The following DPYD variants were observed in gnomAD, a reference collection of about 807,000 sequenced individuals.
DPYD encodes the protein dihydropyrimidine dehydrogenase [NADP(+)].
Under a neutral mutation model 116.2 loss-of-function variants are expected in DPYD, and 109 were observed. The ratio of observed to expected loss-of-function variants is 0.94; its 90% CI spans 0.80 to 1.10. DPYD has a LOEUF of 1.10. Among genes scored for constraint, DPYD ranks in the 50% least tolerant of loss-of-function variants. The pLI is 0.00. For missense variants in DPYD, 1,302 were observed against 1,254.5 expected, an observed-to-expected ratio of 1.04 and a Z score of -0.57; for synonymous variants, 440 against 432.0, an observed-to-expected ratio of 1.02 and a Z score of -0.23.
rs150332672 is a variant in DPYD at position 97,480,588 on chromosome 1, C to G, written c.1741-30365G>C. 5.4e-3 allele frequency among the ~76,000 whole-genome samples: 824 copies of G among 152,274 alleles called. 3 individuals carry two copies. The highest frequency in any genetic ancestry group is 9.5e-3 in the Non-Finnish European group (649 of 68,022). The stretch of plus-strand genomic sequence containing the variant: ...GGAAGAAGAATGTGAAAAGACGAGG[C>G]AGGGAATTGCTGAATTTCATCAAAA... On this transcript the variant is annotated intron_variant, in intron 13 of 22. Transcript: ENST00000370192.
chr1:97,877,861 C>T (rs1431970089), intron 2 of DPYD, among the ~76,000 whole-genome samples: 1 of 151,882 alleles, frequency 6.6e-6, no homozygotes, highest in Non-Finnish European at 1.5e-5. Context: ...TCCATGAAAG[C>T]GTGAATGAGA....
At chr1:97,740,910 C>A (rs746753541) in intron 3 of DPYD, among the ~76,000 whole-genome samples, 3 of 152,088 alleles carry the variant, frequency 2.0e-5, no homozygotes, top group Non-Finnish European at 4.4e-5. Context: ...CTTGAAATAT[C>A]CTTTCTTCCA....
chr1:97,338,817 G>T (rs1394377530), intron 16 of DPYD, among the ~76,000 whole-genome samples: 1 of 152,058 alleles, frequency 6.6e-6, no homozygotes, highest in Non-Finnish European at 1.5e-5. Context: ...GCCTGTTCTT[G>T]TGTGGCAAAA....
intron 18 of DPYD, among the ~76,000 whole-genome samples, chr1:97,279,653 G>C (rs1438235899): frequency 2.0e-5 from 3 of 152,188 alleles, no homozygotes; most frequent in African/African-American, 4.8e-5. Context: ...GGGACAACAG[G>C]TGTGCATGAC....
chr1:97,170,664 T>TAAATA (rs1656658180), intron 20 of DPYD, among the ~76,000 whole-genome samples: 3 of 151,894 alleles, frequency 2.0e-5, no homozygotes, highest in Non-Finnish European at 4.4e-5. Context: ...CTTAAATACT[T>TAAATA]TCTTCTTTCC....
chr1:97,263,666 G>GTATA (rs1418730309), intron 18 of DPYD, among the ~76,000 whole-genome samples: 2 of 152,042 alleles, frequency 1.3e-5, no homozygotes, highest in African/African-American at 4.8e-5. Context: ...TGGTGATTAA[G>GTATA]TATAATACAT....
chr1:97,486,634 G>A (rs1305263501), intron 13 of DPYD, among the ~76,000 whole-genome samples: 1 of 151,900 alleles, frequency 6.6e-6, no homozygotes, highest in Non-Finnish European at 1.5e-5. Flanking sequence ...ATAATGGGAA[G>A]GTATATCACT....
At chr1:97,194,058 A>T (rs1376923372) in intron 19 of DPYD, among the ~76,000 whole-genome samples, 1 of 152,232 alleles carries the variant, frequency 6.6e-6, no homozygotes, top group African/African-American at 2.4e-5. Flanking sequence ...GAAGGGAAGA[A>T]CTGCATTTAT....
At chr1:97,387,194 T>C (rs1672396141) in intron 14 of DPYD, among the ~76,000 whole-genome samples, 2 of 152,116 alleles carry the variant, frequency 1.3e-5, no homozygotes, top group Non-Finnish European at 2.9e-5. Context: ...GTATTTGAAC[T>C]TTGTCTTCCC....
chr1:97,828,435 C>T (rs1002775724), intron 2 of DPYD, among the ~76,000 whole-genome samples: 13 of 151,882 alleles, frequency 8.6e-5, no homozygotes, highest in Admixed American at 1.3e-4. Context: ...AGTGGAGTTT[C>T]GTTATCAATT....
At chr1:97,611,157 C>T (rs1655920933) in intron 8 of DPYD, among the ~76,000 whole-genome samples, 1 of 152,010 alleles carries the variant, frequency 6.6e-6, no homozygotes, top group Non-Finnish European at 1.5e-5. Flanking sequence ...CACAATCATG[C>T]CAGAAGGCAA....
At chr1:97,285,645 G>C (rs1665624458) in intron 18 of DPYD, among the ~76,000 whole-genome samples, 1 of 151,038 alleles carries the variant, frequency 6.6e-6, no homozygotes, top group Non-Finnish European at 1.5e-5. Flanking sequence ...TGGCCATTCT[G>C]ACAATTGGCT....
At chr1:97,673,865 C>T (rs1660003119) in intron 8 of DPYD, among the ~76,000 whole-genome samples, 1 of 152,116 alleles carries the variant, frequency 6.6e-6, no homozygotes, top group Non-Finnish European at 1.5e-5. Context: ...ACAAAGATAG[C>T]TCTAGGTCCA....
intron 19 of DPYD, among the ~76,000 whole-genome samples, chr1:97,225,015 A>G (rs369707923): frequency 1.5e-3 from 157 of 104,504 alleles, no homozygotes; most frequent in Middle Eastern, 9.6e-3. Flanking sequence ...CTATCTATCT[A>G]TCTATCTATC....
chr1:97,609,932 C>T (rs1024320164), intron 8 of DPYD, among the ~76,000 whole-genome samples: 9 of 152,022 alleles, frequency 5.9e-5, no homozygotes, highest in Middle Eastern at 6.8e-3. Flanking sequence ...ACTTAAATGG[C>T]GTCTTGTAAA....
chr1:97,833,894 G>T (rs951537000), intron 2 of DPYD, among the ~76,000 whole-genome samples: 1 of 152,046 alleles, frequency 6.6e-6, no homozygotes, highest in East Asian at 1.9e-4. Flanking sequence ...TCCTATGAGA[G>T]TATAATGAAA....
chr1:97,299,603 T>C (rs994151247), intron 18 of DPYD, among the ~76,000 whole-genome samples: 1 of 152,126 alleles, frequency 6.6e-6, no homozygotes, highest in Non-Finnish European at 1.5e-5. Context: ...CTCCAGTCTG[T>C]CCATGAGCTG....
At chr1:97,891,690 A>G (rs1229239242) in intron 1 of DPYD, among the ~76,000 whole-genome samples, 1 of 151,878 alleles carries the variant, frequency 6.6e-6, no homozygotes, top group Non-Finnish European at 1.5e-5. Context: ...GTCACAAACA[A>G]AATCACTAAA....
At chr1:97,259,101 A>T (rs1049124096) in intron 18 of DPYD, among the ~76,000 whole-genome samples, 6 of 152,068 alleles carry the variant, frequency 3.9e-5, no homozygotes, top group Non-Finnish European at 8.8e-5. Context: ...AAAACAGCTG[A>T]GCTACTTAAA....
Sources: allele counts gnomAD v4.1 joint callset (sites outside exome capture counted in the v4.1 genomes callset), GRCh38; gene constraint gnomAD v4.1.1; transcripts MANE v1.5; gene names NCBI Gene and HGNC (gene_info 2026-07-23, HGNC 2026-07-21).